Variants in TTC28 observed in about 807,000 individuals in gnomAD.
The protein encoded by TTC28 is tetratricopeptide repeat domain 28.
Under a neutral mutation model 198.0 loss-of-function variants are expected in TTC28, and 61 were observed. The ratio of observed to expected loss-of-function variants is 0.31; its 90% confidence interval spans 0.25 to 0.38. The LOEUF (loss-of-function observed/expected upper bound fraction) is 0.38, where lower values mean the gene tolerates loss of function less well. Ranked by LOEUF, TTC28 falls within the 10% of genes least tolerant of loss-of-function variation. TTC28 has a pLI of 1.00. For synonymous variants in TTC28, 1,171 were observed against 1,297.8 expected (o/e 0.90, Z 2.10); for missense variants, 2,678 against 3,164.0 (o/e 0.85, Z 3.69).
intron 1 of TTC28, among the ~76,000 whole-genome samples, chr22:28,675,515 G>A (rs1462996184): frequency 6.6e-6 from 1 of 151,984 alleles, no homozygotes; most frequent in African/African-American, 2.4e-5. Context: ...ACTTTGGGAG[G>A]CAGAGGCTGG....
chr22:28,330,526 A>G (rs558256750), intron 2 of TTC28, among the ~76,000 whole-genome samples: 1 of 152,330 alleles, frequency 6.6e-6, no homozygotes, highest in East Asian at 1.9e-4. Context: ...AATTGCTAAC[A>G]TTGTTCCCTT....
intron 1 of TTC28, among the ~76,000 whole-genome samples, chr22:28,631,937 A>T (rs2051179871): frequency 6.6e-6 from 1 of 152,176 alleles, no homozygotes; most frequent in Non-Finnish European, 1.5e-5. Flanking sequence ...AGCTTGCCCT[A>T]AGTGAAATTA....
intron 5 of TTC28, among the ~76,000 whole-genome samples, chr22:28,238,780 T>A (rs1929441664): frequency 6.6e-6 from 1 of 152,306 alleles, no homozygotes; most frequent in East Asian, 1.9e-4. Context: ...CCTGGCTTTG[T>A]GGAAACTAAC....
chr22:27,989,983 G>A lies in TTC28; in HGVS notation c.5602C>T (p.Gln1868Ter). 1 of 1,551,124 alleles carries A rather than the reference G, an allele frequency of 6.4e-7. No homozygotes were observed. Among genetic ancestry groups the A allele is most frequent in the Non-Finnish European group, 8.7e-7 (1 of 1,146,820 alleles). ...GMLHQVLVQLQAGEKEQDLAS... is the reference protein window; with the variant it reads ...GMLHQVLVQL ...AAGTCCTGCTCCTTCTCGCCAGCCTGGAGCTGAACCAGCACCTGGTGGAGC... is the reference window on the plus strand; with the variant it reads ...AAGTCCTGCTCCTTCTCGCCAGCCTAGAGCTGAACCAGCACCTGGTGGAGC... The change falls in exon 21 of 23, where the codon CAG becomes TAG. Residue 1868 changes from glutamine to a stop codon, truncating the protein, a stop_gained. Transcript: ENST00000397906. LOFTEE classifies it high-confidence loss of function.
chr22:28,243,724 T>C (rs1358598908), intron 5 of TTC28, among the ~76,000 whole-genome samples: 2 of 152,020 alleles, frequency 1.3e-5, no homozygotes, highest in Non-Finnish European at 2.9e-5. Context: ...CCAGGCATAA[T>C]GAGAATGTCC....
intron 2 of TTC28, among the ~76,000 whole-genome samples, chr22:28,384,794 T>C (rs1484947176): frequency 6.6e-6 from 1 of 152,166 alleles, no homozygotes; most frequent in Non-Finnish European, 1.5e-5. Flanking sequence ...GCACTTTCTG[T>C]ACCCAAACTT....
At chr22:28,521,836 T>C (rs1436390103) in intron 2 of TTC28, among the ~76,000 whole-genome samples, 1 of 152,196 alleles carries the variant, frequency 6.6e-6, no homozygotes, top group African/African-American at 2.4e-5. Context: ...AGCCTCAGAA[T>C]GCTGAGGAGA....
intron 5 of TTC28, among the ~76,000 whole-genome samples, chr22:28,165,860 T>C (rs1019372066): frequency 6.6e-6 from 1 of 152,046 alleles, no homozygotes; most frequent in Non-Finnish European, 1.5e-5. Flanking sequence ...GGCTAAATGC[T>C]CCAATTAAAA....
intron 5 of TTC28, among the ~76,000 whole-genome samples, chr22:28,268,522 T>C (rs770367310): frequency 4.6e-5 from 7 of 152,220 alleles, no homozygotes; most frequent in Non-Finnish European, 1.0e-4. Context: ...CAGTAATGCA[T>C]ACTTAGTAGT....
intron 2 of TTC28, among the ~76,000 whole-genome samples, chr22:28,552,113 T>C (rs918588531): frequency 6.6e-6 from 1 of 151,886 alleles, no homozygotes; most frequent in African/African-American, 2.4e-5. Flanking sequence ...AATCAAAAAC[T>C]CAACCCCCTT....
intron 2 of TTC28, among the ~76,000 whole-genome samples, chr22:28,312,850 A>ATAGT (rs1023612875): frequency 2.0e-5 from 3 of 152,204 alleles, no homozygotes; most frequent in African/African-American, 7.2e-5. Flanking sequence ...AAGGCAAGAA[A>ATAGT]TAACTAAGAT....
At chr22:28,451,633 A>G (rs2047779052) in intron 2 of TTC28, among the ~76,000 whole-genome samples, 1 of 152,218 alleles carries the variant, frequency 6.6e-6, no homozygotes, top group Admixed American at 6.5e-5. Context: ...AGTTCACTAA[A>G]AGTCACAGTT....
chr22:28,531,823 G>T (rs545409167), intron 2 of TTC28, among the ~76,000 whole-genome samples: 2 of 152,168 alleles, frequency 1.3e-5, no homozygotes, highest in Non-Finnish European at 2.9e-5. Context: ...GGTACATAAC[G>T]AAATGAAGGC....
intron 6 of TTC28, among the ~76,000 whole-genome samples, chr22:28,157,758 T>C (rs1256678218): frequency 6.6e-6 from 1 of 152,098 alleles, no homozygotes; most frequent in Non-Finnish European, 1.5e-5. Context: ...ATAGAAGGAA[T>C]ATACCTCAAC....
intron 6 of TTC28, among the ~76,000 whole-genome samples, chr22:28,159,471 T>C (rs898038794): frequency 6.6e-6 from 1 of 152,058 alleles, no homozygotes; most frequent in African/African-American, 2.4e-5. Flanking sequence ...CTGGGCAATA[T>C]GCTGAAACCC....
rs138678 is a variant in TTC28, at chr22:28,015,419, TAAAAAAAAAA to T, written c.4074-1037_4074-1028del. ...TCATCCTTCCTGTAGGAGATAGCTT[TAAAAAAAAAA>T]AAAAAAAAAAAAAGACAAATTGTTG... is the stretch of plus-strand genomic sequence containing the variant. On this transcript the variant is annotated intron_variant, in intron 13 of 22. Transcript: ENST00000397906. Among the ~76,000 whole-genome samples the T allele has an allele frequency of 1.1e-4, 12 of 109,686 alleles. No individual in the cohort carries two copies. In the South Asian group the frequency reaches 1.2e-3, roughly 11 times the overall value. The allele number at this position is 109,686 out of a possible 152,430, so 72.0% of individuals were successfully genotyped here. A position where few individuals can be genotyped will look rare whatever the true frequency, so the allele number is the denominator to read the frequency against.
At chr22:28,618,433 G>A (rs981979613) in intron 2 of TTC28, among the ~76,000 whole-genome samples, 4 of 152,082 alleles carry the variant, frequency 2.6e-5, no homozygotes, top group African/African-American at 9.7e-5. Flanking sequence ...TGTAATCCAA[G>A]CACTTTGGGA....
rs150860709 is a variant in TTC28 at position 28,407,891 on chromosome 22, A to T, written c.382-101248T>A. Among the ~76,000 whole-genome samples, 329 of 152,370 alleles carry T rather than the reference A, an allele frequency of 2.2e-3. 3 individuals carry two copies. The highest frequency in any genetic ancestry group is 7.7e-3 in the African/African-American group (319 of 41,592). ...GCCAAGTATACAACTCAAGGAATTA[A>T]ATCGAATGTCATATAGTCAACATCC... On this transcript the variant is annotated intron_variant, in intron 2 of 22. Coordinates refer to ENST00000397906, the MANE Select transcript of TTC28 (RefSeq NM_001145418.2).
At chr22:28,604,966 C>T (rs1760850299) in intron 2 of TTC28, among the ~76,000 whole-genome samples, 2 of 152,156 alleles carry the variant, frequency 1.3e-5, no homozygotes, top group South Asian at 4.1e-4. Context: ...GATAAACATA[C>T]CATCTAAGAG....
Sources: gnomAD v4.1 joint callset for allele counts (sites outside exome capture counted in the v4.1 genomes callset) on GRCh38, gnomAD v4.1.1 for gene constraint, MANE v1.5 for transcripts, NCBI Gene and HGNC (gene_info 2026-07-23, HGNC 2026-07-21) for gene names.